STRBP: variants seen among roughly 807,000 people sequenced by gnomAD.
The protein encoded by STRBP is spermatid perinuclear RNA-binding protein.
In STRBP, 13 loss-of-function variants were observed where a neutral mutation model predicts 80.1. That is an observed-to-expected ratio of 0.16 (90% CI 0.11 to 0.26). STRBP has a LOEUF of 0.26. Ranked by LOEUF, STRBP falls within the 10% of genes least tolerant of loss-of-function variation. STRBP has a pLI of 1.00. For synonymous variants in STRBP, 284 were observed against 291.2 expected (o/e 0.98, Z 0.25); for missense variants, 485 against 815.2 (o/e 0.59, Z 4.93).
At chr9:123,145,583 C>T (rs985744650) in intron 13 of STRBP, among the ~76,000 whole-genome samples, 8 of 152,192 alleles carry the variant, frequency 5.3e-5, no homozygotes, top group Non-Finnish European at 1.2e-4. Flanking sequence ...CGATCAAATG[C>T]CACAACTGTG....
intron 1 of STRBP, among the ~76,000 whole-genome samples, chr9:123,255,532 C>A (rs908576246): frequency 4.6e-5 from 7 of 152,168 alleles, no homozygotes; most frequent in African/African-American, 1.7e-4. Flanking sequence ...TTGTATCAAG[C>A]TACTGAGAAT....
intron 1 of STRBP, among the ~76,000 whole-genome samples, chr9:123,245,775 A>G (rs1202592739): frequency 6.6e-6 from 1 of 152,204 alleles, no homozygotes; most frequent in Admixed American, 6.5e-5. Context: ...TCTTTTTAAA[A>G]GCAACCTTTA....
intron 2 of STRBP, among the ~76,000 whole-genome samples, chr9:123,223,064 TAGA>T (rs985171606): frequency 1.5e-4 from 22 of 149,264 alleles, no homozygotes; most frequent in Non-Finnish European, 2.9e-4. Flanking sequence ...GATAGATAGA[TAGA>T]TAGATAGATA....
intron 2 of STRBP, among the ~76,000 whole-genome samples, chr9:123,201,316 G>A (rs576967574): frequency 1.3e-4 from 20 of 152,038 alleles, no homozygotes; most frequent in Admixed American, 6.6e-4. Context: ...TTGTCAATTT[G>A]TGCTCTGAAA....
At chr9:123,150,285 C>T (rs1032253757) in intron 11 of STRBP, among the ~76,000 whole-genome samples, 1 of 152,108 alleles carries the variant, frequency 6.6e-6, no homozygotes, top group Non-Finnish European at 1.5e-5. Flanking sequence ...ATATCAAGGG[C>T]CCACTTCCAG....
chr9:123,154,431 GA>G (rs2037191987), intron 11 of STRBP, among the ~76,000 whole-genome samples: 1 of 152,148 alleles, frequency 6.6e-6, no homozygotes, highest in African/African-American at 2.4e-5. Flanking sequence ...GAAAATCTAG[GA>G]AATGATTTTC....
intron 4 of STRBP, among the ~76,000 whole-genome samples, chr9:123,175,364 T>C (rs1168369730): frequency 1.3e-5 from 2 of 152,098 alleles, no homozygotes; most frequent in Non-Finnish European, 2.9e-5. Context: ...AAGCAAAGAA[T>C]CAGCAGAGTT....
chr9:123,147,705 C>A, intron 12 of STRBP, 73 bp downstream of exon 12: 371 of 765,072 alleles, frequency 4.8e-4, no homozygotes, highest in Non-Finnish European at 6.4e-4. Context: ...AAAAACCCTT[C>A]ACTTTTAATT....
chr9:123,196,265 A>C (rs955165982), intron 2 of STRBP, among the ~76,000 whole-genome samples: 1 of 152,186 alleles, frequency 6.6e-6, no homozygotes, highest in Non-Finnish European at 1.5e-5. Flanking sequence ...TGAAACTATA[A>C]AACTACTAAA....
intron 2 of STRBP, among the ~76,000 whole-genome samples, chr9:123,195,963 G>C (rs2039077297): frequency 1.3e-5 from 2 of 152,172 alleles, no homozygotes; most frequent in African/African-American, 4.8e-5. Flanking sequence ...TGACAGAGCT[G>C]TTGTAACAAA....
intron 6 of STRBP, among the ~76,000 whole-genome samples, chr9:123,165,423 G>C (rs1262180326): frequency 6.6e-6 from 1 of 152,066 alleles, no homozygotes; most frequent in Admixed American, 6.5e-5. Flanking sequence ...ACACATGCTA[G>C]TGAATTTCTG....
intron 1 of STRBP, among the ~76,000 whole-genome samples, chr9:123,251,214 T>C (rs200889550): frequency 6.6e-6 from 1 of 152,088 alleles, no homozygotes; most frequent in Non-Finnish European, 1.5e-5. Context: ...CTTTCTTTCT[T>C]TTCTCTCTCC....
chr9:123,147,699 A>AT, intron 12 of STRBP, 79 bp downstream of exon 12: 1 of 978,326 alleles, frequency 1.0e-6, no homozygotes, highest in Non-Finnish European at 1.4e-6. Context: ...AAAAAAAAAA[A>AT]CCCTTCACTT....
intron 2 of STRBP, among the ~76,000 whole-genome samples, chr9:123,234,925 G>C (rs1169934353): frequency 7.1e-6 from 1 of 141,296 alleles, no homozygotes; most frequent in East Asian, 2.3e-4. Flanking sequence ...GGGCAACACA[G>C]ACTCCATCTC....
Position 123,122,407 on chromosome 9 carries a change from C to T in STRBP, c.*3190G>A. On this transcript the variant is annotated 3_prime_UTR_variant, in exon 19 of 19. Coordinates refer to ENST00000348403, the MANE Select transcript of STRBP (RefSeq NM_018387.5). ...CCAGCTCTTCAATTAATAATGGTGG[C>T]TGATTCATGATTTTCAAACATTCAC... 8.3e-7 allele frequency: 1 copy of T among 1,203,926 alleles called. No homozygotes were observed. Among genetic ancestry groups the T allele is most frequent in the Non-Finnish European group, 1.1e-6 (1 of 949,320 alleles). The allele number at this position is 1,203,926 out of a possible 1,614,324, so 74.6% of individuals were successfully genotyped here. A position where few individuals can be genotyped will look rare whatever the true frequency, so the allele number is the denominator to read the frequency against.
intron 2 of STRBP, among the ~76,000 whole-genome samples, chr9:123,207,003 T>A (rs1161989813): frequency 6.6e-6 from 1 of 152,152 alleles, no homozygotes; most frequent in Non-Finnish European, 1.5e-5. Context: ...CGTTTTTCTG[T>A]GGTAAAATGA....
At chr9:123,156,126 A>C (rs2037273932) in intron 11 of STRBP, among the ~76,000 whole-genome samples, 1 of 152,104 alleles carries the variant, frequency 6.6e-6, no homozygotes. Flanking sequence ...TTTACTATCT[A>C]GTGAAGGGGA....
At chr9:123,131,116 A>G (rs117760945) in intron 17 of STRBP, among the ~76,000 whole-genome samples, 1,765 of 152,280 alleles carry the variant, frequency 0.012, 22 homozygotes, top group Non-Finnish European at 0.019. Context: ...GAACCATTTG[A>G]ACTCTTCTAG....
chr9:123,239,227 T>C (rs1157653666), intron 1 of STRBP, among the ~76,000 whole-genome samples: 2 of 152,002 alleles, frequency 1.3e-5, no homozygotes, highest in East Asian at 1.9e-4. Flanking sequence ...TACAAAACAT[T>C]AGCCAGGCAT....
Sources: allele counts gnomAD v4.1 joint callset (sites outside exome capture counted in the v4.1 genomes callset), GRCh38; gene constraint gnomAD v4.1.1; transcripts MANE v1.5; gene names NCBI Gene and HGNC (gene_info 2026-07-23, HGNC 2026-07-21).